Variants in BLZF1 observed in about 807,000 individuals in gnomAD.
The protein encoded by BLZF1 is basic leucine zipper nuclear factor 1.
Under a neutral mutation model 43.8 loss-of-function variants are expected in BLZF1, and 39 were observed. The observed-to-expected ratio is 0.89, with a 90% CI of 0.69 to 1.16. The LOEUF is 1.16. Ranked by LOEUF, BLZF1 falls within the 50% of genes most tolerant of loss-of-function variation. The probability of loss-of-function intolerance (pLI) is 0.00; values close to 1 mark genes in which losing one functional copy is unlikely to be tolerated. For synonymous variants in BLZF1, 136 were observed against 159.4 expected (o/e 0.85, Z 1.11); for missense variants, 449 against 469.8 (o/e 0.96, Z 0.41).
rs1456353241 is a variant in BLZF1, at chr1:169,369,490, T to C, written c.-33T>C. 2 of 1,602,678 alleles carry C rather than the reference T, an allele frequency of 1.2e-6. No homozygotes were observed. The highest frequency in any genetic ancestry group is 2.2e-5 in the South Asian group (2 of 89,086). ...ATTTCTAGGTTGTTCAGCAGAAGTC[T>C]TGGAGTGCATTTTCAGTGGTTAAGG... is the stretch of plus-strand genomic sequence containing the variant. On this transcript the variant is annotated 5_prime_UTR_variant, in exon 2 of 7. Coordinates refer to ENST00000367808, the MANE Select transcript of BLZF1 (RefSeq NM_001320973.2).
intron 2 of BLZF1, among the ~76,000 whole-genome samples, chr1:169,373,411 T>A (rs898642578): frequency 6.6e-6 from 1 of 152,186 alleles, no homozygotes; most frequent in Non-Finnish European, 1.5e-5. Flanking sequence ...GAGAAGGTAA[T>A]TATTCGTAAA....
rs1452012069 is a variant in BLZF1, at chr1:169,396,216, A to G, written c.*350A>G. On this transcript the variant is annotated 3_prime_UTR_variant, in exon 8 of 8. Coordinates refer to the BLZF1 transcript ENST00000329281. ...AACTTGAAACCGCTCCATTTCTACA[A>G]TGCACATTTACTGTTTCTGTTATAA... is the stretch of plus-strand genomic sequence containing the variant. The G allele has an allele frequency of 2.6e-5, 4 of 152,158 alleles. No homozygotes were observed. In the East Asian group the frequency reaches 7.7e-4, roughly 29 times the overall value. The allele number at this position is 152,158 out of a possible 1,614,324, so 9.4% of individuals were successfully genotyped here. A position where few individuals can be genotyped will look rare whatever the true frequency, so the allele number is the denominator to read the frequency against.
chr1:169,394,910 TAAA>T, intron 7 of BLZF1: 2 of 783,812 alleles, frequency 2.6e-6, no homozygotes, highest in East Asian at 3.0e-5. Context: ...GTTCTAGTAT[TAAA>T]AAAACAAATT....
intron 6 of BLZF1, 66 bp from the exon 7 acceptor site, chr1:169,386,931 C>G: frequency 8.6e-7 from 1 of 1,168,938 alleles, no homozygotes; most frequent in South Asian, 1.5e-5. Flanking sequence ...AGGTATACAT[C>G]AATGAAATCT....
At chr1:169,390,121 A>C (rs1439944670), downstream of BLZF1, among the ~76,000 whole-genome samples, 1 of 152,160 alleles carries the variant, frequency 6.6e-6, no homozygotes, top group African/African-American at 2.4e-5. Context: ...CAATTAAAAA[A>C]CTAAAAAAAA....
intron 2 of BLZF1, among the ~76,000 whole-genome samples, chr1:169,369,832 G>A (rs1654048761): frequency 6.6e-6 from 1 of 152,002 alleles, no homozygotes; most frequent in Non-Finnish European, 1.5e-5. Flanking sequence ...AGAAGATTAC[G>A]ATTTAAATAA....
chr1:169,386,247 CATTGATACT>C (rs1423267113), intron 6 of BLZF1, among the ~76,000 whole-genome samples: 1 of 152,006 alleles, frequency 6.6e-6, no homozygotes, highest in Non-Finnish European at 1.5e-5. Flanking sequence ...AATGAAAAGC[CATTGATACT>C]ACAGATAAAA....
intron 3 of BLZF1, among the ~76,000 whole-genome samples, 158 bp from the exon 4 acceptor site, chr1:169,378,172 C>T (rs1016231589): frequency 1.3e-5 from 2 of 151,670 alleles, no homozygotes; most frequent in African/African-American, 2.4e-5. Flanking sequence ...GTTTGTATAT[C>T]GTATGGAACT....
chr1:169,387,578 T>C lies in BLZF1; in HGVS notation c.*396T>C, dbSNP rs529855246. Reference sequence around the variant, plus strand: ...GCAAACTACAACCATGAGTCAAACATGGCCACACCCATTCATGTGCTATTG... The same window carrying C: ...GCAAACTACAACCATGAGTCAAACACGGCCACACCCATTCATGTGCTATTG... On this transcript the variant is annotated 3_prime_UTR_variant, in exon 7 of 7. Coordinates refer to ENST00000367808, the MANE Select transcript of BLZF1 (RefSeq NM_001320973.2). The C allele has an allele frequency of 1.7e-4, 27 of 159,078 alleles. No homozygotes were observed. Among genetic ancestry groups the C allele is most frequent in the Non-Finnish European group, 3.5e-4 (26 of 73,240 alleles). 9.9% of individuals were successfully genotyped at this position (159,078 alleles called of 1,614,324 possible).
Position 169,387,306 on chromosome 1 carries a change from C to A in BLZF1, c.*124C>A. On this transcript the variant is annotated 3_prime_UTR_variant, in exon 7 of 7. Coordinates refer to ENST00000367808, the MANE Select transcript of BLZF1 (RefSeq NM_001320973.2). Reference sequence around the variant, plus strand: ...CTTCCTATTTACATAATGTATACACCCAAAGATATTTTATGTACTAGACTC... The same window carrying A: ...CTTCCTATTTACATAATGTATACACACAAAGATATTTTATGTACTAGACTC... 2 of 831,054 alleles carry A rather than the reference C, an allele frequency of 2.4e-6. No individual in the cohort carries two copies. The highest frequency in any genetic ancestry group is 1.8e-6 in the Non-Finnish European group (1 of 546,356). The allele number at this position is 831,054 out of a possible 1,614,324, so 51.5% of individuals were successfully genotyped here. A position where few individuals can be genotyped will look rare whatever the true frequency, so the allele number is the denominator to read the frequency against.
At chr1:169,374,904 T>TA (rs1294474196) in intron 2 of BLZF1, among the ~76,000 whole-genome samples, 1 of 152,130 alleles carries the variant, frequency 6.6e-6, no homozygotes, top group African/African-American at 2.4e-5. Flanking sequence ...CATGTATTCT[T>TA]ATTTATTTTT....
intron 7 of BLZF1, chr1:169,395,270 A>T: frequency 3.6e-6 from 5 of 1,388,974 alleles, no homozygotes; most frequent in Non-Finnish European, 4.8e-6. Flanking sequence ...CATGCTATAA[A>T]GTTACTATTA....
At chr1:169,393,345 TGGGA>T (rs1167894512) in intron 7 of BLZF1, among the ~76,000 whole-genome samples, 12 of 151,784 alleles carry the variant, frequency 7.9e-5, no homozygotes, top group African/African-American at 2.4e-4. Context: ...CCCAGCACTT[TGGGA>T]GGCTGAGGCA....
intron 4 of BLZF1, among the ~76,000 whole-genome samples, chr1:169,379,944 A>T (rs1654474160): frequency 6.6e-6 from 1 of 151,956 alleles, no homozygotes; most frequent in Non-Finnish European, 1.5e-5. Flanking sequence ...GGATAAATTT[A>T]TTTTTAACAC....
chr1:169,393,906 GT>G (rs924230108), intron 7 of BLZF1, among the ~76,000 whole-genome samples: 2 of 152,136 alleles, frequency 1.3e-5, no homozygotes, highest in African/African-American at 4.8e-5. Context: ...CCAGCCAGAA[GT>G]TTGTCTTTTA....
chr1:169,370,248 A>G (rs113500703), intron 2 of BLZF1, among the ~76,000 whole-genome samples: 1,555 of 152,354 alleles, frequency 0.01, 17 homozygotes, highest in Middle Eastern at 0.02. Context: ...GTATGATTTC[A>G]TCTTAACTAA....
chr1:169,380,369 A>AAT, intron 4 of BLZF1, 112 bp from the exon 5 acceptor site: 2 of 726,896 alleles, frequency 2.8e-6, no homozygotes, highest in Non-Finnish European at 3.9e-6. Context: ...AAGTAACTAT[A>AAT]CTGTTAAATC....
chr1:169,379,253 C>T (rs1345441740), intron 4 of BLZF1, among the ~76,000 whole-genome samples: 1 of 151,900 alleles, frequency 6.6e-6, no homozygotes, highest in Non-Finnish European at 1.5e-5. Flanking sequence ...CATAAAACAA[C>T]CAAAGGTTTA....
intron 4 of BLZF1, among the ~76,000 whole-genome samples, chr1:169,378,923 A>G (rs540082890): frequency 9.2e-5 from 14 of 152,136 alleles, no homozygotes; most frequent in Non-Finnish European, 1.8e-4. Flanking sequence ...TCTTTTAACT[A>G]TATAATAAAG....
Sources: gnomAD v4.1 joint callset for allele counts (sites outside exome capture counted in the v4.1 genomes callset) on GRCh38, gnomAD v4.1.1 for gene constraint, MANE v1.5 for transcripts, NCBI Gene and HGNC (gene_info 2026-07-23, HGNC 2026-07-21) for gene names.